Variants in LRRC56 observed in about 807,000 individuals in gnomAD.
The protein encoded by LRRC56 is leucine rich repeat containing 56.
A neutral mutation model predicts 47.8 loss-of-function variants in LRRC56; 41 were observed. That is an observed-to-expected ratio of 0.86 (90% CI 0.67 to 1.11). The LOEUF (loss-of-function observed/expected upper bound fraction) is 1.11, where lower values mean the gene tolerates loss of function less well. Ranked by LOEUF, LRRC56 falls within the 50% of genes most tolerant of loss-of-function variation. The pLI is 0.00. For synonymous variants in LRRC56, 387 were observed against 311.2 expected (o/e 1.24, Z -2.56); for missense variants, 759 against 704.2 (o/e 1.08, Z -0.88).
chr11:543,470 C>G (rs528446286), intron 5 of LRRC56, among the ~76,000 whole-genome samples: 1 of 152,280 alleles, frequency 6.6e-6, no homozygotes, highest in East Asian at 1.9e-4. Flanking sequence ...CCGCCTCGGC[C>G]TCCCAAAGTG....
chr11:554,351 A>G lies in LRRC56; in HGVS notation c.*75A>G, dbSNP rs1852637440. On this transcript the variant is annotated 3_prime_UTR_variant, in exon 14 of 14. Coordinates refer to ENST00000270115, the MANE Select transcript of LRRC56 (RefSeq NM_198075.4). Reference sequence around the variant, plus strand: ...CATATGTGGTCACAGAGCACAGAATACCTGGGCGGGTGTGTTGGGGGGTGG... The same window carrying G: ...CATATGTGGTCACAGAGCACAGAATGCCTGGGCGGGTGTGTTGGGGGGTGG... 1 of 1,295,750 alleles carries G rather than the reference A, an allele frequency of 7.7e-7. No homozygotes were observed. Among genetic ancestry groups the G allele is most frequent in the Non-Finnish European group, 1.0e-6 (1 of 989,792 alleles). 80.3% of individuals were successfully genotyped at this position (1,295,750 alleles called of 1,614,324 possible). A position where few individuals can be genotyped will look rare whatever the true frequency, so the allele number is the denominator to read the frequency against.
upstream of LRRC56, chr11:534,141 G>A: frequency 7.6e-7 from 1 of 1,324,208 alleles, no homozygotes; most frequent in East Asian, 2.3e-5. Context: ...GCTGCAGCCA[G>A]CCCTATCCTG....
chr11:510,054 G>A, the LRRC56 span, among the ~76,000 whole-genome samples: 2 of 151,934 alleles, frequency 1.3e-5, no homozygotes, highest in African/African-American at 2.4e-5. Context: ...ACAGATCTGA[G>A]GGATGCTGCC....
chr11:532,576 CG>C, upstream of LRRC56: 1 of 1,573,894 alleles, frequency 6.4e-7, no homozygotes. Flanking sequence ...CCGGCAGGGG[CG>C]GGGAGCCGGG....
chr11:513,299 C>G, the LRRC56 span, among the ~76,000 whole-genome samples: 1 of 152,160 alleles, frequency 6.6e-6, no homozygotes, highest in Non-Finnish European at 1.5e-5. Context: ...ATTACAGGCA[C>G]ACGCCACCAT....
chr11:540,172 G>A (rs1426905390), intron 3 of LRRC56, among the ~76,000 whole-genome samples: 1 of 152,238 alleles, frequency 6.6e-6, no homozygotes, highest in African/African-American at 2.4e-5. Flanking sequence ...GCCTGCAGGT[G>A]AAGGGGCTCG....
the LRRC56 span, among the ~76,000 whole-genome samples, chr11:513,168 T>C: frequency 6.6e-6 from 1 of 152,242 alleles, no homozygotes; most frequent in Non-Finnish European, 1.5e-5. Context: ...CGAGACAGTC[T>C]CGCTCTGCTC....
chr11:511,923 T>C, the LRRC56 span, among the ~76,000 whole-genome samples: 1 of 152,054 alleles, frequency 6.6e-6, no homozygotes, highest in Non-Finnish European at 1.5e-5. Flanking sequence ...TCTTGATCAG[T>C]TAACTCAGTG....
the LRRC56 span, among the ~76,000 whole-genome samples, chr11:525,258 G>A: frequency 1.3e-5 from 2 of 150,816 alleles, no homozygotes; most frequent in East Asian, 2.0e-4. Flanking sequence ...ACAAAAATCA[G>A]GCCAGGCACG....
chr11:536,979 G>A (rs577877926), upstream of LRRC56: 1 of 152,314 alleles, frequency 6.6e-6, no homozygotes, highest in Admixed American at 6.5e-5. Flanking sequence ...CTGGACGGCG[G>A]GCGGCAGCGT....
At chr11:524,220 T>C in the LRRC56 span, among the ~76,000 whole-genome samples, 1 of 152,096 alleles carries the variant, frequency 6.6e-6, no homozygotes, top group African/African-American at 2.4e-5. Context: ...TGAGGCCAGC[T>C]TGGTGTTGGA....
chr11:516,221 C>T, the LRRC56 span, among the ~76,000 whole-genome samples: 38 of 152,050 alleles, frequency 2.5e-4, no homozygotes, highest in East Asian at 4.3e-3. Context: ...TGGCGAAACC[C>T]GTCTCTACCA....
the LRRC56 span, among the ~76,000 whole-genome samples, chr11:513,701 T>C: frequency 2.0e-5 from 3 of 151,978 alleles, no homozygotes; most frequent in South Asian, 4.2e-4. Flanking sequence ...TGTTGTCTTA[T>C]TTTAAGAAAT....
chr11:518,226 A>G, the LRRC56 span, among the ~76,000 whole-genome samples: 1 of 151,924 alleles, frequency 6.6e-6, no homozygotes. Flanking sequence ...TCTGTCGCCT[A>G]GGCTGGAGTG....
At chr11:536,367 AG>A (rs371586946), upstream of LRRC56, among the ~76,000 whole-genome samples, 89 of 152,392 alleles carry the variant, frequency 5.8e-4, no homozygotes, top group Admixed American at 1.4e-3. Context: ...CGAAGTGCCC[AG>A]GGCTCACCCC....
chr11:547,091 G>T (rs2134047271), intron 6 of LRRC56, among the ~76,000 whole-genome samples: 1 of 151,848 alleles, frequency 6.6e-6, no homozygotes, highest in Middle Eastern at 3.4e-3. Context: ...TTGGGCTTGG[G>T]CTTGGCGGTG....
chr11:507,773 C>T, the LRRC56 span, among the ~76,000 whole-genome samples: 2 of 152,144 alleles, frequency 1.3e-5, no homozygotes, highest in African/African-American at 2.4e-5. Context: ...GCTCGCGACC[C>T]CCGAGGGAGC....
At chr11:551,995 C>A in intron 11 of LRRC56, 28 bp downstream of exon 11, 4 of 1,611,964 alleles carry the variant, frequency 2.5e-6, no homozygotes, top group East Asian at 4.5e-5. Flanking sequence ...CAGCCCCCCA[C>A]GAGAACCAGT....
the LRRC56 span, among the ~76,000 whole-genome samples, chr11:524,397 T>C: frequency 0.36 from 55,282 of 151,478 alleles, 11,005 homozygotes; most frequent in African/African-American, 0.53. Flanking sequence ...TTTGGGAGGC[T>C]GAGGCGGGTG....
Sources: gnomAD v4.1 joint callset for allele counts (sites outside exome capture counted in the v4.1 genomes callset) on GRCh38, gnomAD v4.1.1 for gene constraint, MANE v1.5 for transcripts, NCBI Gene and HGNC (gene_info 2026-07-23, HGNC 2026-07-21) for gene names.